The following HS6ST2 variants were observed in gnomAD, a reference collection of about 807,000 sequenced individuals.
The protein encoded by HS6ST2 is heparan sulfate 6-O-sulfotransferase 2.
HS6ST2 carries 17 observed loss-of-function variants against 33.0 expected under a neutral mutation model. The ratio of observed to expected loss-of-function variants is 0.52; its 90% CI spans 0.35 to 0.77. The LOEUF (loss-of-function observed/expected upper bound fraction) is 0.77. HS6ST2 is among the 30% of genes least tolerant of loss of function. The pLI is 0.01. For missense variants in HS6ST2, 519 were observed against 551.7 expected (o/e 0.94, Z 0.59); for synonymous variants, 248 against 237.1 (o/e 1.05, Z -0.42).
chrX:132,698,389 C>T (rs1265356996), intron 3 of HS6ST2, among the ~76,000 whole-genome samples: 1 of 111,616 alleles, frequency 9.0e-6, no homozygotes, highest in East Asian at 2.8e-4. Flanking sequence ...CAAGGGTTGA[C>T]CAGAATTGAG....
chrX:132,690,601 C>T (rs1397089811), intron 3 of HS6ST2, among the ~76,000 whole-genome samples: 5 of 111,678 alleles, frequency 4.5e-5, no homozygotes, highest in African/African-American at 6.5e-5. Context: ...GTTTATTTTT[C>T]GTGTTTTTGG....
upstream of HS6ST2, among the ~76,000 whole-genome samples, chrX:132,961,026 C>G (rs2067137902): frequency 9.2e-6 from 1 of 108,757 alleles, no homozygotes; most frequent in South Asian, 4.2e-4. Flanking sequence ...CTTGTAATCT[C>G]GGCTGGTCTC....
chrX:132,673,078 G>T (rs1350644854), intron 3 of HS6ST2, among the ~76,000 whole-genome samples: 1 of 112,150 alleles, frequency 8.9e-6, no homozygotes, highest in African/African-American at 3.2e-5. Context: ...GAAATTTTAA[G>T]AATTAATTTT....
chrX:132,929,128 T>C (rs2066739170), intron 2 of HS6ST2, among the ~76,000 whole-genome samples: 1 of 111,222 alleles, frequency 9.0e-6, no homozygotes, highest in Non-Finnish European at 1.9e-5. Context: ...ACTACAGCCC[T>C]TGATGTACAG....
At chrX:132,872,632 T>C (rs1487734951) in intron 2 of HS6ST2, among the ~76,000 whole-genome samples, 1 of 111,889 alleles carries the variant, frequency 8.9e-6, no homozygotes, top group African/African-American at 3.2e-5. Context: ...ATATAAACTC[T>C]GTAAGGCTTG....
At chrX:132,704,724 G>T (rs2064174656) in intron 3 of HS6ST2, among the ~76,000 whole-genome samples, 1 of 111,858 alleles carries the variant, frequency 8.9e-6, no homozygotes, top group African/African-American at 3.2e-5. Flanking sequence ...GACATCTCCA[G>T]TGCATAATAA....
intron 3 of HS6ST2, among the ~76,000 whole-genome samples, 163 bp downstream of exon 3, chrX:132,708,299 T>TAAAAAAAAA (rs36028236): frequency 4.7e-5 from 1 of 21,202 alleles, no homozygotes; most frequent in Non-Finnish European, 8.0e-5. Flanking sequence ...TGTTTTAAAC[T>TAAAAAAAAA]AAAAAAAAAA....
chrX:132,752,774 G>A (rs1220855765), intron 2 of HS6ST2, among the ~76,000 whole-genome samples: 2 of 112,381 alleles, frequency 1.8e-5, no homozygotes, highest in Non-Finnish European at 3.8e-5. Context: ...CAGCTTCTTC[G>A]CCCTGAGGAA....
intron 4 of HS6ST2, among the ~76,000 whole-genome samples, chrX:132,634,736 A>T (rs1379728372): frequency 8.9e-6 from 1 of 112,131 alleles, no homozygotes; most frequent in Non-Finnish European, 1.9e-5. Context: ...AGAATCTAAC[A>T]TCTTGAGATA....
intron 4 of HS6ST2, among the ~76,000 whole-genome samples, chrX:132,646,172 T>C (rs765658319): frequency 1.8e-5 from 2 of 112,025 alleles, no homozygotes; most frequent in African/African-American, 3.2e-5. Context: ...GCCAGCCTTG[T>C]GGGGTGGCAT....
At chrX:132,776,188 A>G (rs1226536012) in intron 2 of HS6ST2, among the ~76,000 whole-genome samples, 1 of 112,337 alleles carries the variant, frequency 8.9e-6, no homozygotes, top group Non-Finnish European at 1.9e-5. Flanking sequence ...TTGATTGAGA[A>G]CATTTTGAAA....
chrX:132,849,756 C>G (rs748675830), intron 2 of HS6ST2, among the ~76,000 whole-genome samples: 12 of 112,097 alleles, frequency 1.1e-4, no homozygotes, highest in African/African-American at 3.9e-4. Context: ...GTACACAAAA[C>G]TGCCTATGAC....
intron 2 of HS6ST2, among the ~76,000 whole-genome samples, chrX:132,773,703 C>G (rs1208185613): frequency 8.9e-6 from 1 of 112,004 alleles, no homozygotes; most frequent in Non-Finnish European, 1.9e-5. Context: ...AAACATTTAG[C>G]TAAATGAAAA....
chrX:132,849,355 G>GA (rs368833863), intron 2 of HS6ST2, among the ~76,000 whole-genome samples: 2 of 110,695 alleles, frequency 1.8e-5, no homozygotes, highest in African/African-American at 3.3e-5. Flanking sequence ...GGTGTATACA[G>GA]AAAAAAAATC....
rs774470135 is a variant in HS6ST2, at chrX:132,832,682, G to GA, written c.947+124125dup. ...ACTTAATCACTGTATTTTAAAATGT[G>GA]AAAAAATACAGAAGAAAAATCAGTC... On this transcript the variant is annotated intron_variant, in intron 2 of 4. Transcript: ENST00000370833. Among the ~76,000 whole-genome samples, 5 of 111,509 alleles carry GA rather than the reference G, an allele frequency of 4.5e-5. No homozygotes were observed. In the South Asian group the frequency reaches 1.9e-3, roughly 42 times the overall value.
intron 2 of HS6ST2, among the ~76,000 whole-genome samples, chrX:132,788,718 A>G (rs2065089296): frequency 8.9e-6 from 1 of 112,840 alleles, no homozygotes; most frequent in Non-Finnish European, 1.9e-5. Context: ...TTCTTGAAGG[A>G]AATTAAAAGT....
intron 2 of HS6ST2, among the ~76,000 whole-genome samples, chrX:132,829,604 A>T (rs917779204): frequency 2.4e-4 from 27 of 111,613 alleles, no homozygotes; most frequent in Admixed American, 4.8e-4. Flanking sequence ...CCTGCCAGCC[A>T]TGTCAACTGG....
At chrX:132,896,192 C>A (rs1223399476) in intron 2 of HS6ST2, among the ~76,000 whole-genome samples, 2 of 110,628 alleles carry the variant, frequency 1.8e-5, no homozygotes, top group Non-Finnish European at 3.8e-5. Flanking sequence ...AAGAATGAGC[C>A]GGGAGTGTTG....
chrX:132,816,825 G>C (rs1253848077), intron 2 of HS6ST2, among the ~76,000 whole-genome samples: 1 of 111,588 alleles, frequency 9.0e-6, no homozygotes, highest in African/African-American at 3.3e-5. Flanking sequence ...GCTGCCAGCT[G>C]GGTTCTGTGC....
Sources: allele counts gnomAD v4.1 joint callset (sites outside exome capture counted in the v4.1 genomes callset), GRCh38; gene constraint gnomAD v4.1.1; transcripts MANE v1.5; gene names NCBI Gene and HGNC (gene_info 2026-07-23, HGNC 2026-07-21).